GTF3C4: variants seen among roughly 807,000 people sequenced by gnomAD.
GTF3C4 encodes general transcription factor 3C polypeptide 4.
In GTF3C4, 28 loss-of-function variants were observed where a neutral mutation model predicts 67.5. The observed-to-expected ratio is 0.41, with a 90% confidence interval of 0.31 to 0.57. GTF3C4 has a LOEUF of 0.57. Ranked by LOEUF, GTF3C4 falls within the 20% of genes least tolerant of loss-of-function variation. The probability of loss-of-function intolerance (pLI) is 0.21; values close to 1 mark genes in which losing one functional copy is unlikely to be tolerated. For missense variants in GTF3C4, 831 were observed against 1,033.2 expected, an observed-to-expected ratio of 0.80 and a Z score of 2.68; for synonymous variants, 409 against 393.0, an observed-to-expected ratio of 1.04 and a Z score of -0.48.
intron 1 of GTF3C4, 33 bp downstream of exon 1, chr9:132,670,988 C>T (rs1329387307): frequency 1.4e-6 from 2 of 1,420,094 alleles, no homozygotes; most frequent in South Asian, 1.1e-5. Flanking sequence ...TGGGGTCTTC[C>T]CCTGTCCCCC....
Position 132,679,842 on chromosome 9 carries a change from C to T in GTF3C4, c.2184+39C>T. ...AACAAAAACTCTGAAATTGTAAAGCCTGCTTTCTTCATGAGAAAGAAATGA... is the reference window on the plus strand; with the variant it reads ...AACAAAAACTCTGAAATTGTAAAGCTTGCTTTCTTCATGAGAAAGAAATGA... On this transcript the variant is annotated intron_variant, in intron 2 of 4. Coordinates refer to ENST00000372146, the MANE Select transcript of GTF3C4 (RefSeq NM_012204.4). The surrounding 1 kb of genome is among the most constrained non-coding windows in gnomAD (Gnocchi z 5.9). 6.6e-7 allele frequency: 1 copy of T among 1,514,354 alleles called. No individual in the cohort carries two copies. Among genetic ancestry groups the T allele is most frequent in the Admixed American group, 2.2e-5 (1 of 46,032 alleles). 93.8% of individuals were successfully genotyped at this position (1,514,354 alleles called of 1,614,324 possible).
In GTF3C4 at chr9:132,693,151, C is replaced by T. The variant is rs2130906086; in HGVS notation, c.*4206C>T. 3 of 152,280 alleles carry T rather than the reference C, an allele frequency of 2.0e-5. No homozygotes were observed. In the South Asian group the frequency reaches 6.2e-4, roughly 32 times the overall value. 9.4% of individuals were successfully genotyped at this position (152,280 alleles called of 1,614,324 possible). ...CATCGTCAGGACTTGTTAGCCAGTCCATGTCTCATTGATAGGATGTAGCCT... is the reference window on the plus strand; with the variant it reads ...CATCGTCAGGACTTGTTAGCCAGTCTATGTCTCATTGATAGGATGTAGCCT... On this transcript the variant is annotated 3_prime_UTR_variant, in exon 5 of 5. Transcript: ENST00000372146.
intron 4 of GTF3C4, among the ~76,000 whole-genome samples, chr9:132,687,878 A>T (rs1836055292): frequency 6.6e-6 from 1 of 152,236 alleles, no homozygotes; most frequent in South Asian, 2.1e-4. Context: ...AATGACGCAA[A>T]TGTCAGATTT....
rs1836086961 is a variant in GTF3C4, at chr9:132,689,795, C to G, written c.*850C>G. 2 of 152,304 alleles carry G rather than the reference C, an allele frequency of 1.3e-5. No individual in the cohort carries two copies. Among genetic ancestry groups the G allele is most frequent in the Non-Finnish European group, 1.5e-5 (1 of 68,040 alleles). The allele number at this position is 152,304 out of a possible 1,614,324, so 9.4% of individuals were successfully genotyped here. A position where few individuals can be genotyped will look rare whatever the true frequency, so the allele number is the denominator to read the frequency against. On this transcript the variant is annotated 3_prime_UTR_variant, in exon 5 of 5. Transcript: ENST00000372146. ...TTTCCTCTTTTAGTAATAAGACTTT[C>G]AGTATTTTTAATGTTGACATTTCCA...
At position 132,687,230 on chromosome 9, in the gene GTF3C4, T is replaced by C. The variant is rs1564358342; in HGVS notation, c.2316-9T>C. The C allele has an allele frequency of 6.5e-7, 1 of 1,544,708 alleles. No individual in the cohort carries two copies. The highest frequency in any genetic ancestry group is 1.7e-5 in the Admixed American group (1 of 59,942). On this transcript the variant is annotated splice_polypyrimidine_tract_variant and intron_variant, in intron 3 of 4. Transcript: ENST00000372146. Reference sequence around the variant, plus strand: ...CTCTCCCTTGCCAATACAGTCTGTCTTCTTTCAGGTGCTTCTTAACCTACC... The same window carrying C: ...CTCTCCCTTGCCAATACAGTCTGTCCTCTTTCAGGTGCTTCTTAACCTACC...
At chr9:132,671,236 GC>G (rs1835745392) in intron 1 of GTF3C4, among the ~76,000 whole-genome samples, 1 of 152,028 alleles carries the variant, frequency 6.6e-6, no homozygotes, top group Admixed American at 6.6e-5. Context: ...CCCCTCCTTC[GC>G]CCCTCCGTCG....
chr9:132,683,544 GACT>G lies in GTF3C4; in HGVS notation c.2185-15_2185-13del. The G allele has an allele frequency of 6.2e-7, 1 of 1,600,302 alleles. No individual in the cohort carries two copies. The highest frequency in any genetic ancestry group is 8.5e-7 in the Non-Finnish European group (1 of 1,176,104). On this transcript the variant is annotated splice_polypyrimidine_tract_variant and intron_variant, in intron 2 of 4. Coordinates refer to ENST00000372146, the MANE Select transcript of GTF3C4 (RefSeq NM_012204.4). The stretch of plus-strand genomic sequence containing the variant: ...TCCTGCACTTACACTAAACTTTGCT[GACT>G]ACTTTGTCTTACTAGGTGCTGATTG...
At chr9:132,680,340 C>G (rs1428284850) in intron 2 of GTF3C4, among the ~76,000 whole-genome samples, 1 of 152,174 alleles carries the variant, frequency 6.6e-6, no homozygotes, top group East Asian at 1.9e-4. Context: ...AGAATGTATT[C>G]TATAGAATTT....
In GTF3C4 at chr9:132,691,490, G is replaced by A. The variant is rs893903232; in HGVS notation, c.*2545G>A. 2.0e-5 allele frequency: 3 copies of A among 152,168 alleles called. No individual in the cohort carries two copies. Among genetic ancestry groups the A allele is most frequent in the African/African-American group, 4.8e-5 (2 of 41,428 alleles). The allele number at this position is 152,168 out of a possible 1,614,324, so 9.4% of individuals were successfully genotyped here. On this transcript the variant is annotated 3_prime_UTR_variant, in exon 5 of 5. Transcript: ENST00000372146. ...GAAATAGTGGAAGTGCTATTGCCGC[G>A]CTGCATGTAAAGCACAGGAGCAAAG...
At position 132,679,524 on chromosome 9, in the gene GTF3C4, C is replaced by G. The variant is rs1309508818; in HGVS notation, c.1905C>G (p.Gly635=). 1 of 1,614,090 alleles carries G rather than the reference C, an allele frequency of 6.2e-7. No homozygotes were observed. The highest frequency in any genetic ancestry group is 1.1e-5 in the South Asian group (1 of 91,066). The change falls in exon 2 of 5, where the codon GGC becomes GGG. Residue 635 remains glycine (G), a synonymous_variant. Transcript: ENST00000372146. The surrounding 1 kb of genome is among the most constrained non-coding windows in gnomAD (Gnocchi z 5.9). ...CTTCCAAACAGGTGGTGAAGCAAGGCCTGCAGGAGAGGAGCAAGGAAGGAG... is the reference window on the plus strand; with the variant it reads ...CTTCCAAACAGGTGGTGAAGCAAGGGCTGCAGGAGAGGAGCAAGGAAGGAG... ...GTSSKQVVKQ[G]LQERSKEGDV...
chr9:132,677,710 G>A (rs567836922), intron 1 of GTF3C4, among the ~76,000 whole-genome samples: 1 of 152,288 alleles, frequency 6.6e-6, no homozygotes, highest in South Asian at 2.1e-4. Context: ...TTGCAAAGAT[G>A]TTGTAAAAAT....
At position 132,690,829 on chromosome 9, in the gene GTF3C4, T is replaced by A. The variant is rs1382227250; in HGVS notation, c.*1884T>A. 1.3e-5 allele frequency: 2 copies of A among 152,204 alleles called. No individual in the cohort carries two copies. The highest frequency in any genetic ancestry group is 4.8e-5 in the African/African-American group (2 of 41,452). 9.4% of individuals were successfully genotyped at this position (152,204 alleles called of 1,614,324 possible). On this transcript the variant is annotated 3_prime_UTR_variant, in exon 5 of 5. Coordinates refer to ENST00000372146, the MANE Select transcript of GTF3C4 (RefSeq NM_012204.4). Reference sequence around the variant, plus strand: ...AAATTGAGATCATGTCAAAAAATTATTGCAGTTTTAATCATTATGGCATAG... The same window carrying A: ...AAATTGAGATCATGTCAAAAAATTAATGCAGTTTTAATCATTATGGCATAG...
At chr9:132,687,425 T>C (rs1480574726) in intron 4 of GTF3C4, 98 bp downstream of exon 4, 6 of 595,442 alleles carry the variant, frequency 1.0e-5, no homozygotes, top group African/African-American at 7.3e-5. Context: ...TCTACACTTC[T>C]TGGTATTGTG....
chr9:132,674,970 G>A (rs993789841), intron 1 of GTF3C4, among the ~76,000 whole-genome samples: 7 of 152,198 alleles, frequency 4.6e-5, no homozygotes, highest in African/African-American at 1.7e-4. Flanking sequence ...GGTTGAGGCG[G>A]CAGTGAGCTG....
chr9:132,670,990 C>T (rs1226721168), intron 1 of GTF3C4, 35 bp downstream of exon 1: 3 of 1,408,898 alleles, frequency 2.1e-6, no homozygotes, highest in African/African-American at 1.4e-5. Flanking sequence ...GGGTCTTCCC[C>T]TGTCCCCCTC....
At position 132,691,622 on chromosome 9, in the gene GTF3C4, A is replaced by G. The variant is rs2130905360; in HGVS notation, c.*2677A>G. The G allele has an allele frequency of 6.6e-6, 1 of 152,306 alleles. No individual in the cohort carries two copies. Among genetic ancestry groups the G allele is most frequent in the South Asian group, 2.1e-4 (1 of 4,832 alleles). 9.4% of individuals were successfully genotyped at this position (152,306 alleles called of 1,614,324 possible). A position where few individuals can be genotyped will look rare whatever the true frequency, so the allele number is the denominator to read the frequency against. On this transcript the variant is annotated 3_prime_UTR_variant, in exon 5 of 5. Transcript: ENST00000372146. Reference sequence around the variant, plus strand: ...TGCCTGGGGTTAATTTGTTCTTATTATTCTAGGTAAGAAATTGATAGCTTG... The same window carrying G: ...TGCCTGGGGTTAATTTGTTCTTATTGTTCTAGGTAAGAAATTGATAGCTTG...
In GTF3C4 at chr9:132,691,698, C is replaced by G. The variant is rs1045241619; in HGVS notation, c.*2753C>G. The G allele has an allele frequency of 1.3e-5, 2 of 152,180 alleles. No homozygotes were observed. Among genetic ancestry groups the G allele is most frequent in the African/African-American group, 2.4e-5 (1 of 41,434 alleles). The allele number at this position is 152,180 out of a possible 1,614,324, so 9.4% of individuals were successfully genotyped here. ...CCCTGTGTGTCCACCAGGCAGACTTCAAGCAATCTCTACCTACTATTATAT... is the reference window on the plus strand; with the variant it reads ...CCCTGTGTGTCCACCAGGCAGACTTGAAGCAATCTCTACCTACTATTATAT... On this transcript the variant is annotated 3_prime_UTR_variant, in exon 5 of 5. Coordinates refer to ENST00000372146, the MANE Select transcript of GTF3C4 (RefSeq NM_012204.4).
Position 132,670,785 on chromosome 9 carries a change from G to T in GTF3C4, c.187G>T (p.Ala63Ser), listed in dbSNP as rs1342107757. The change falls in exon 1 of 5, where the codon GCG (alanine) becomes TCG (serine). Residue 63 changes from alanine to serine, a missense_variant. Transcript: ENST00000372146. ...GGAGCCGGCCGTGAAGCTGCAGTAT[G>T]CGGTGAGCGGCCTGGAACCGCTGGC... ...RREPAVKLQY[A>S]VSGLEPLAWS... is the part of the protein sequence containing the mutation. 8 of 1,590,672 alleles carry T rather than the reference G, an allele frequency of 5.0e-6. No homozygotes were observed. The highest frequency in any genetic ancestry group is 2.3e-5 in the East Asian group (1 of 43,860).
At chr9:132,686,489 G>C (rs1181057118) in intron 3 of GTF3C4, among the ~76,000 whole-genome samples, 1 of 151,956 alleles carries the variant, frequency 6.6e-6, no homozygotes, top group Non-Finnish European at 1.5e-5. Flanking sequence ...CTCCTTAGTT[G>C]CTCACCTGAA....
Sources: gnomAD v4.1 joint callset for allele counts (sites outside exome capture counted in the v4.1 genomes callset) on GRCh38, gnomAD v4.1.1 for gene constraint, Gnocchi (gnomAD v3.1) non-coding constraint, MANE v1.5 for transcripts, NCBI Gene and HGNC (gene_info 2026-07-23, HGNC 2026-07-21) for gene names.